The following GPSM2 variants were observed in gnomAD, a reference collection of about 807,000 sequenced individuals.
The protein encoded by GPSM2 is G protein signaling modulator 2.
In GPSM2, 58 loss-of-function variants were observed where a neutral mutation model predicts 78.4. The ratio of observed to expected loss-of-function variants is 0.74; its 90% CI spans 0.60 to 0.92. GPSM2 has a LOEUF of 0.92. Among genes scored for constraint, GPSM2 ranks in the 40% least tolerant of loss-of-function variants. GPSM2 has a pLI of 0.00. For missense variants in GPSM2, 700 were observed against 815.5 expected (o/e 0.86, Z 1.73); for synonymous variants, 224 against 280.2 (o/e 0.80, Z 2.00).
At chr1:108,911,832 G>A (rs1020914613) in intron 10 of GPSM2, among the ~76,000 whole-genome samples, 1 of 133,792 alleles carries the variant, frequency 7.5e-6, no homozygotes, top group Non-Finnish European at 1.5e-5. Context: ...TTAAAGACAG[G>A]CTCTTACTCT....
rs757559568 is a variant in GPSM2 at position 108,898,880 on chromosome 1, G to A, written c.683G>A (p.Arg228His). The A allele has an allele frequency of 6.0e-5, 96 of 1,606,950 alleles. No individual in the cohort carries two copies. The highest frequency in any genetic ancestry group is 7.5e-5 in the Non-Finnish European group (88 of 1,173,624). Reference protein sequence around the residue: ...FRDAVIAHEQRLLIAKEFGDK... With the variant: ...FRDAVIAHEQHLLIAKEFGDK... ...TCTAATTAAAATTGTTTGTTTCAGC[G>A]TCTCCTTATTGCAAAAGAATTTGGA... is the stretch of plus-strand genomic sequence containing the variant. The change falls in exon 7 of 15, where the codon CGT (arginine) becomes CAT (histidine). Residue 228 changes from arginine to histidine, a missense_variant and splice_region_variant. By Grantham distance (29) the Arg-to-His change is conservative (BLOSUM62 0). Coordinates refer to ENST00000264126, the MANE Select transcript of GPSM2 (RefSeq NM_013296.5).
intron 5 of GPSM2, 99 bp from the exon 6 acceptor site, chr1:108,898,543 C>A: frequency 9.2e-7 from 1 of 1,084,198 alleles, no homozygotes; most frequent in Non-Finnish European, 1.4e-6. Flanking sequence ...CTGTAAGCTT[C>A]CCTACATTTT....
rs910149313 is a variant in GPSM2 at position 108,932,859 on chromosome 1, G to A, written c.*2919G>A. On this transcript the variant is annotated 3_prime_UTR_variant, in exon 15 of 15. Transcript: ENST00000264126. ...TCTTAGAAAAAATCACGTTTCTGAT[G>A]AAATTCTAAAGATGTTTGCAATATT... 3 of 152,332 alleles carry A rather than the reference G, an allele frequency of 2.0e-5. No individual in the cohort carries two copies. The highest frequency in any genetic ancestry group is 4.1e-4 in the South Asian group (2 of 4,826). The allele number at this position is 152,332 out of a possible 1,614,324, so 9.4% of individuals were successfully genotyped here.
At chr1:108,924,341 T>TA in intron 14 of GPSM2, 127 bp downstream of exon 14, 1 of 733,274 alleles carries the variant, frequency 1.4e-6, no homozygotes, top group Non-Finnish European at 2.5e-6. Context: ...CATCATTCAG[T>TA]AAAAAATTAT....
rs1003615895 is a variant in GPSM2 at position 108,932,668 on chromosome 1, C to G, written c.*2728C>G. On this transcript the variant is annotated 3_prime_UTR_variant, in exon 15 of 15. Transcript: ENST00000264126. ...TCAGATCACAGTTCAAAAGACAGCT[C>G]TCACCTTGGGGGCATATTCCCCAAG... 3.3e-5 allele frequency: 5 copies of G among 152,234 alleles called. No individual in the cohort carries two copies. Among genetic ancestry groups the G allele is most frequent in the African/African-American group, 1.2e-4 (5 of 41,448 alleles). 9.4% of individuals were successfully genotyped at this position (152,234 alleles called of 1,614,324 possible). A position where few individuals can be genotyped will look rare whatever the true frequency, so the allele number is the denominator to read the frequency against.
chr1:108,898,695 CCT>C lies in GPSM2; in HGVS notation c.612_613del (p.Phe205TrpfsTer21). ...GGTGACCGAGCGGCACAAGGACGTGCCTTTGGAAATCTTGGAAACACACATTA... is the reference window on the plus strand; with the variant it reads ...GGTGACCGAGCGGCACAAGGACGTGCTTGGAAATCTTGGAAACACACATTA... On this transcript the variant is annotated frameshift_variant, in exon 6 of 15. Transcript: ENST00000264126. LOFTEE classifies it high-confidence loss of function. The C allele has an allele frequency of 6.2e-7, 1 of 1,613,790 alleles. No individual in the cohort carries two copies. Among genetic ancestry groups the C allele is most frequent in the Non-Finnish European group, 8.5e-7 (1 of 1,179,736 alleles).
chr1:108,914,198 G>T, intron 10 of GPSM2, 140 bp from the exon 11 acceptor site: 2 of 620,470 alleles, frequency 3.2e-6, no homozygotes, highest in Non-Finnish European at 2.9e-6. Context: ...TATTATTCTT[G>T]GAAGAATACA....
At chr1:108,914,541 AAGTC>A (rs1557873431) in intron 11 of GPSM2, 133 bp downstream of exon 11, 2 of 671,974 alleles carry the variant, frequency 3.0e-6, no homozygotes, top group Non-Finnish European at 5.2e-6. Flanking sequence ...TGTAAAAAAA[AAGTC>A]AGAAAAAGTA....
intron 2 of GPSM2, among the ~76,000 whole-genome samples, chr1:108,890,783 A>G (rs1249961065): frequency 6.6e-6 from 1 of 152,212 alleles, no homozygotes; most frequent in Non-Finnish European, 1.5e-5. Flanking sequence ...GTTTCTTGGA[A>G]CACTAAGTAA....
chr1:108,904,239 G>A lies in GPSM2; in HGVS notation c.1177G>A (p.Asp393Asn), dbSNP rs966730895. 21 of 1,596,360 alleles carry A rather than the reference G, an allele frequency of 1.3e-5. No homozygotes were observed. Among genetic ancestry groups the A allele is most frequent in the Non-Finnish European group, 1.8e-5 (21 of 1,165,214 alleles). Residue 393 changes from aspartate (D) to asparagine (N), a missense_variant, in exon 10 of 15, where the codon GAT becomes AAT. By Grantham distance (23) the Asp-to-Asn change is conservative (BLOSUM62 1). Transcript: ENST00000264126. ...NSIMSENTEIDSSLNGVRPKL... is the reference protein window; with the variant it reads ...NSIMSENTEINSSLNGVRPKL... Reference sequence around the variant, plus strand: ...CATAATGTCTGAAAATACTGAAATTGATAGCAGTTTGAATGGTAAGTAATA... The same window carrying A: ...CATAATGTCTGAAAATACTGAAATTAATAGCAGTTTGAATGGTAAGTAATA...
At chr1:108,929,603 T>C in intron 14 of GPSM2, 98 bp from the exon 15 acceptor site, 1 of 1,113,666 alleles carries the variant, frequency 9.0e-7, no homozygotes, top group Non-Finnish European at 1.4e-6. Flanking sequence ...CAAATAAAAG[T>C]TTACAACTGC....
chr1:108,891,829 G>A (rs1647995256), intron 2 of GPSM2, among the ~76,000 whole-genome samples: 1 of 151,868 alleles, frequency 6.6e-6, no homozygotes, highest in Admixed American at 6.6e-5. Flanking sequence ...TGAGAATTAA[G>A]TTTGATAAAG....
At chr1:108,891,409 T>C (rs1480420256) in intron 2 of GPSM2, among the ~76,000 whole-genome samples, 1 of 152,206 alleles carries the variant, frequency 6.6e-6, no homozygotes, top group Non-Finnish European at 1.5e-5. Flanking sequence ...ATCTCAACTT[T>C]GACATCCCAT....
At position 108,932,269 on chromosome 1, in the gene GPSM2, C is replaced by T. The variant is rs1277108857; in HGVS notation, c.*2329C>T. 6.6e-6 allele frequency: 1 copy of T among 151,554 alleles called. No individual in the cohort carries two copies. The highest frequency in any genetic ancestry group is 1.5e-5 in the Non-Finnish European group (1 of 67,888). 9.4% of individuals were successfully genotyped at this position (151,554 alleles called of 1,614,324 possible). On this transcript the variant is annotated 3_prime_UTR_variant, in exon 15 of 15. Coordinates refer to ENST00000264126, the MANE Select transcript of GPSM2 (RefSeq NM_013296.5). ...AGCCTGGGTGACAGAGCAAAACTCT[C>T]AAAAAAAAGTAAAATTTCAAAAAAG...
At chr1:108,921,638 T>G (rs1236092700) in intron 12 of GPSM2, among the ~76,000 whole-genome samples, 4 of 152,172 alleles carry the variant, frequency 2.6e-5, no homozygotes, top group Non-Finnish European at 5.9e-5. Flanking sequence ...TAGCTACCCC[T>G]GCCCTTCAGT....
chr1:108,902,071 G>A, intron 8 of GPSM2, 126 bp downstream of exon 8: 1 of 695,810 alleles, frequency 1.4e-6, no homozygotes, highest in Non-Finnish European at 2.6e-6. Flanking sequence ...TTTTCTTTCA[G>A]TGATATCCTC....
At chr1:108,881,071 T>C (rs1665871737) in intron 1 of GPSM2, among the ~76,000 whole-genome samples, 1 of 152,258 alleles carries the variant, frequency 6.6e-6, no homozygotes. Flanking sequence ...AAAGGGAGTC[T>C]GTCTATTTTG....
At chr1:108,916,059 T>C (rs1303166275) in intron 11 of GPSM2, among the ~76,000 whole-genome samples, 1 of 132,018 alleles carries the variant, frequency 7.6e-6, no homozygotes, top group African/African-American at 3.1e-5. Flanking sequence ...CTGGGCAACA[T>C]GGCAAAAACC....
intron 2 of GPSM2, among the ~76,000 whole-genome samples, chr1:108,894,264 T>C (rs1001768844): frequency 5.9e-5 from 9 of 152,324 alleles, no homozygotes; most frequent in Admixed American, 5.9e-4. Context: ...GAAACATAAA[T>C]ATAGCTGTTT....
Sources: gnomAD v4.1 joint callset for allele counts (sites outside exome capture counted in the v4.1 genomes callset) on GRCh38, gnomAD v4.1.1 for gene constraint, MANE v1.5 for transcripts, NCBI Gene and HGNC (gene_info 2026-07-23, HGNC 2026-07-21) for gene names.